ADGRV1: variants seen among roughly 807,000 people sequenced by gnomAD.
The protein encoded by ADGRV1 is adhesion G protein-coupled receptor V1.
Under a neutral mutation model 596.2 loss-of-function variants are expected in ADGRV1, and 359 were observed. The observed-to-expected ratio is 0.60, with a 90% CI of 0.55 to 0.66. The LOEUF (loss-of-function observed/expected upper bound fraction) is 0.66, where lower values mean the gene tolerates loss of function less well. Among genes scored for constraint, ADGRV1 ranks in the 30% least tolerant of loss-of-function variants. The pLI, the probability that ADGRV1 is intolerant of heterozygous loss-of-function variation, is 0.00. For synonymous variants in ADGRV1, 2,681 were observed against 2,679.2 expected (o/e 1.00, Z -0.02); for missense variants, 7,274 against 7,575.6 (o/e 0.96, Z 1.48).
rs1434981866 is a variant in ADGRV1, at chr5:90,706,622, C to CT, written c.8730+229dup. 2.0e-5 allele frequency among the ~76,000 whole-genome samples: 3 copies of CT among 151,612 alleles called. No individual in the cohort carries two copies. The East Asian group carries it at 5.8e-4, about 29-fold the overall frequency. ...AGAAGGTAGAAATTGATGGAAGAGT[C>CT]TATCTATAACATAAGTGGTAACATT... On this transcript the variant is annotated intron_variant, in intron 38 of 89. Coordinates refer to ENST00000405460, the MANE Select transcript of ADGRV1 (RefSeq NM_032119.4).
At chr5:90,988,073 G>A (rs1780642107) in intron 85 of ADGRV1, among the ~76,000 whole-genome samples, 1 of 152,154 alleles carries the variant, frequency 6.6e-6, no homozygotes, top group Non-Finnish European at 1.5e-5. Context: ...ATACCCTGAA[G>A]GGAAAAGTGG....
intron 1 of ADGRV1, among the ~76,000 whole-genome samples, chr5:90,585,028 T>C (rs1050408868): frequency 6.6e-6 from 1 of 152,224 alleles, no homozygotes; most frequent in Non-Finnish European, 1.5e-5. Context: ...TCTGGGTTAC[T>C]TTAAAAAAGG....
chr5:91,075,977 C>T (rs1788824273), intron 86 of ADGRV1, among the ~76,000 whole-genome samples: 1 of 152,122 alleles, frequency 6.6e-6, no homozygotes, highest in Admixed American at 6.6e-5. Context: ...GAAATCTTTA[C>T]TTTGAGCTCC....
intron 1 of ADGRV1, among the ~76,000 whole-genome samples, chr5:90,596,827 G>C (rs1760728707): frequency 7.0e-6 from 1 of 143,402 alleles, no homozygotes; most frequent in African/African-American, 2.8e-5. Flanking sequence ...GGGCGAGGGA[G>C]AGGGCGAGGG....
At chr5:91,156,147 G>C (rs1796459977) in intron 89 of ADGRV1, among the ~76,000 whole-genome samples, 1 of 152,120 alleles carries the variant, frequency 6.6e-6, no homozygotes, top group East Asian at 1.9e-4. Flanking sequence ...TGAGGGACCA[G>C]GATAAAAGGT....
Position 90,790,864 on chromosome 5 carries a change from T to G in ADGRV1, c.14044-9T>G. 6.4e-7 allele frequency: 1 copy of G among 1,559,798 alleles called. No homozygotes were observed. Among genetic ancestry groups the G allele is most frequent in the South Asian group, 1.2e-5 (1 of 83,316 alleles). ...TATAACTTTGTTGAGTTTTTTTCTT[T>G]TATTTTAGGTTTACTGGGAATTAAG... On this transcript the variant is annotated splice_polypyrimidine_tract_variant and intron_variant, in intron 69 of 89. Transcript: ENST00000405460.
At chr5:90,761,128 G>A (rs900715957) in intron 58 of ADGRV1, among the ~76,000 whole-genome samples, 3 of 152,226 alleles carry the variant, frequency 2.0e-5, no homozygotes, top group Non-Finnish European at 4.4e-5. Context: ...CTACTGTCCT[G>A]TGGATGGAAG....
chr5:90,924,900 C>T (rs1033944924), intron 83 of ADGRV1, among the ~76,000 whole-genome samples: 2 of 151,742 alleles, frequency 1.3e-5, no homozygotes, highest in African/African-American at 4.8e-5. Flanking sequence ...ATCCTTTCCC[C>T]ATTGCTTGTT....
intron 59 of ADGRV1, among the ~76,000 whole-genome samples, chr5:90,773,123 C>T (rs1278632539): frequency 4.0e-5 from 6 of 150,834 alleles, no homozygotes; most frequent in Non-Finnish European, 8.8e-5. Flanking sequence ...GAGCTGAGAT[C>T]GTACCACTGC....
At chr5:90,584,400 G>A (rs574031483) in intron 1 of ADGRV1, among the ~76,000 whole-genome samples, 5 of 152,220 alleles carry the variant, frequency 3.3e-5, no homozygotes, top group East Asian at 1.9e-4. Context: ...TTCTTGAAGC[G>A]GAGTCCCAAA....
chr5:91,012,432 G>C (rs1436430836), intron 85 of ADGRV1, among the ~76,000 whole-genome samples: 6 of 151,666 alleles, frequency 4.0e-5, no homozygotes, highest in African/African-American at 1.5e-4. Context: ...AAATTATTTA[G>C]GGTTCCATGA....
chr5:90,795,088 T>G (rs1331471662), intron 70 of ADGRV1, among the ~76,000 whole-genome samples: 1 of 138,122 alleles, frequency 7.2e-6, no homozygotes, highest in Admixed American at 7.2e-5. Context: ...CTGCAGAAGT[T>G]TTTTTTTTTT....
chr5:90,706,336 G>T lies in ADGRV1; in HGVS notation c.8672G>T (p.Gly2891Val). ...EPEVDFVPIIGFLILEEGETA... is the reference protein window; with the variant it reads ...EPEVDFVPIIVFLILEEGETA... Reference sequence around the variant, plus strand: ...GAAGTTGATTTTGTCCCTATCATTGGCTTTCTGATTTTAGAAGAAGGGGAA... The same window carrying T: ...GAAGTTGATTTTGTCCCTATCATTGTCTTTCTGATTTTAGAAGAAGGGGAA... Residue 2891 changes from glycine to valine, a missense_variant, in exon 38 of 90, where the codon GGC becomes GTC. Physicochemically the swap from Gly to Val is moderately radical, Grantham distance 109. Transcript: ENST00000405460. 1 of 1,612,876 alleles carries T rather than the reference G, an allele frequency of 6.2e-7. No homozygotes were observed. The highest frequency in any genetic ancestry group is 1.1e-5 in the South Asian group (1 of 90,844).
intron 81 of ADGRV1, among the ~76,000 whole-genome samples, chr5:90,854,474 C>T (rs952348483): frequency 5.3e-5 from 8 of 152,174 alleles, no homozygotes; most frequent in Non-Finnish European, 1.0e-4. Context: ...CTGCTCAATT[C>T]TGATAACCTT....
At chr5:90,563,567 T>C (rs1242861221) in intron 1 of ADGRV1, among the ~76,000 whole-genome samples, 1 of 152,256 alleles carries the variant, frequency 6.6e-6, no homozygotes, top group Admixed American at 6.5e-5. Context: ...CAAAAAGTCA[T>C]TGTGTGCACT....
chr5:90,774,117 C>G (rs1224303662), intron 59 of ADGRV1, 69 bp from the exon 60 acceptor site: 2 of 730,388 alleles, frequency 2.7e-6, no homozygotes, highest in African/African-American at 3.5e-5. Context: ...CGTTATTCTG[C>G]TAATGACAAC....
intron 86 of ADGRV1, among the ~76,000 whole-genome samples, chr5:91,101,002 CTA>C (rs1165789264): frequency 1.3e-5 from 2 of 151,372 alleles, no homozygotes; most frequent in African/African-American, 4.9e-5. Flanking sequence ...GACGTGTCAA[CTA>C]TACACGACTG....
chr5:90,917,814 C>CTCCTCT (rs1209627882), intron 83 of ADGRV1, among the ~76,000 whole-genome samples: 4 of 152,144 alleles, frequency 2.6e-5, no homozygotes, highest in African/African-American at 9.7e-5. Flanking sequence ...TGTTCTCTTT[C>CTCCTCT]TCCTCTTCCT....
chr5:90,884,339 A>T (rs1456575726), intron 83 of ADGRV1, among the ~76,000 whole-genome samples: 1 of 152,074 alleles, frequency 6.6e-6, no homozygotes, highest in Non-Finnish European at 1.5e-5. Context: ...CTAAACAACC[A>T]ATCTATTCTT....
Sources: allele counts gnomAD v4.1 joint callset (sites outside exome capture counted in the v4.1 genomes callset), GRCh38; gene constraint gnomAD v4.1.1; transcripts MANE v1.5; gene names NCBI Gene and HGNC (gene_info 2026-07-23, HGNC 2026-07-21).